PDZRN3: variants seen among roughly 807,000 people sequenced by gnomAD.
PDZRN3 encodes the protein E3 ubiquitin-protein ligase PDZRN3.
Under a neutral mutation model 85.7 loss-of-function variants are expected in PDZRN3, and 38 were observed. The observed-to-expected ratio is 0.44, with a 90% confidence interval of 0.34 to 0.58. The LOEUF is 0.58. Among genes scored for constraint, PDZRN3 ranks in the 20% least tolerant of loss-of-function variants. The probability of loss-of-function intolerance (pLI) is 0.01; values close to 1 mark genes in which losing one functional copy is unlikely to be tolerated. For missense variants in PDZRN3, 1,629 were observed against 1,506.4 expected, an observed-to-expected ratio of 1.08 and a Z score of -1.35; for synonymous variants, 759 against 638.0, an observed-to-expected ratio of 1.19 and a Z score of -2.86.
intron 3 of PDZRN3, among the ~76,000 whole-genome samples, chr3:73,600,337 A>ACACACACACACACTCTCT (rs34405662): frequency 1.8e-4 from 18 of 100,072 alleles, no homozygotes; most frequent in African/African-American, 7.3e-4. Context: ...ACACACACAC[A>ACACACACACACACTCTCT]CTCTCTCTCT....
At chr3:73,415,883 A>G (rs1575636539) in intron 3 of PDZRN3, among the ~76,000 whole-genome samples, 2 of 151,702 alleles carry the variant, frequency 1.3e-5, no homozygotes, top group African/African-American at 4.8e-5. Flanking sequence ...ATCATGTTAT[A>G]GTTACCTTTT....
chr3:73,549,675 C>T (rs927838868), intron 3 of PDZRN3, among the ~76,000 whole-genome samples: 3 of 152,098 alleles, frequency 2.0e-5, no homozygotes, highest in Non-Finnish European at 2.9e-5. Flanking sequence ...AAATGTAGGG[C>T]GTGAATTTAA....
intron 3 of PDZRN3, among the ~76,000 whole-genome samples, chr3:73,511,868 C>T (rs1033384123): frequency 2.0e-5 from 3 of 152,198 alleles, no homozygotes; most frequent in African/African-American, 7.2e-5. Flanking sequence ...GGCTTCCAAC[C>T]GTCTGGGCGA....
intron 3 of PDZRN3, among the ~76,000 whole-genome samples, chr3:73,519,914 C>T (rs1037757452): frequency 1.3e-5 from 2 of 152,138 alleles, no homozygotes; most frequent in African/African-American, 4.8e-5. Context: ...CTGCCATAGA[C>T]AGCAGTACAG....
At chr3:73,554,500 C>T (rs764954827) in intron 3 of PDZRN3, among the ~76,000 whole-genome samples, 9 of 152,050 alleles carry the variant, frequency 5.9e-5, no homozygotes, top group Non-Finnish European at 1.0e-4. Context: ...AAGCATGGGC[C>T]ACAGCGTTGT....
chr3:73,392,213 A>G lies in PDZRN3; in HGVS notation c.1255-1097T>C, dbSNP rs57280403. Among the ~76,000 whole-genome samples the G allele has an allele frequency of 4.3e-3, 660 of 152,360 alleles. 8 individuals carry two copies. The highest frequency in any genetic ancestry group is 0.015 in the African/African-American group (617 of 41,582). Reference sequence around the variant, plus strand: ...AAAAGCCCTAGGCCAGCATGGCCAGAGCCCCATGTTCAAGGAAGAGAGAAG... The same window carrying G: ...AAAAGCCCTAGGCCAGCATGGCCAGGGCCCCATGTTCAAGGAAGAGAGAAG... On this transcript the variant is annotated intron_variant, in intron 5 of 9. Coordinates refer to ENST00000263666, the MANE Select transcript of PDZRN3 (RefSeq NM_015009.3).
intron 3 of PDZRN3, among the ~76,000 whole-genome samples, chr3:73,558,276 A>C (rs1262791262): frequency 6.6e-6 from 1 of 152,100 alleles, no homozygotes; most frequent in Non-Finnish European, 1.5e-5. Flanking sequence ...AGATAATTTA[A>C]AAAACAAAGT....
At chr3:73,514,384 C>T (rs2106714209) in intron 3 of PDZRN3, among the ~76,000 whole-genome samples, 1 of 152,254 alleles carries the variant, frequency 6.6e-6, no homozygotes, top group African/African-American at 2.4e-5. Flanking sequence ...AAATACAGTT[C>T]TATCAAGATT....
At chr3:73,619,444 C>T (rs1279477516) in intron 1 of PDZRN3, among the ~76,000 whole-genome samples, 1 of 152,210 alleles carries the variant, frequency 6.6e-6, no homozygotes, top group African/African-American at 2.4e-5. Context: ...AGAGGCCTGG[C>T]TTCCTAGAGG....
intron 3 of PDZRN3, among the ~76,000 whole-genome samples, chr3:73,416,876 G>GTTTTTTTTTTTT (rs146381615): frequency 1.0e-3 from 111 of 110,382 alleles, no homozygotes; most frequent in South Asian, 1.9e-3. Context: ...TTTTTTTTTG[G>GTTTTTTTTTTTT]TTTTTTTTTT....
intron 1 of PDZRN3, 146 bp from the exon 2 acceptor site, chr3:73,608,830 T>G: frequency 1.6e-6 from 1 of 614,136 alleles, no homozygotes; most frequent in Non-Finnish European, 2.9e-6. Flanking sequence ...CAAGGAAACT[T>G]CTGGAACCCA....
At chr3:73,456,043 A>G (rs1191949635) in intron 3 of PDZRN3, among the ~76,000 whole-genome samples, 2 of 152,250 alleles carry the variant, frequency 1.3e-5, no homozygotes, top group African/African-American at 4.8e-5. Flanking sequence ...GGTGGAAGGA[A>G]GAAACAGATT....
At chr3:73,595,162 G>A (rs1480590730) in intron 3 of PDZRN3, among the ~76,000 whole-genome samples, 2 of 152,208 alleles carry the variant, frequency 1.3e-5, no homozygotes, top group Non-Finnish European at 2.9e-5. Flanking sequence ...TGGAAACGGA[G>A]AGTTGGAGTC....
chr3:73,475,922 C>A (rs868723259), intron 3 of PDZRN3, among the ~76,000 whole-genome samples: 1 of 152,196 alleles, frequency 6.6e-6, no homozygotes, highest in Non-Finnish European at 1.5e-5. Context: ...TGCACCTACC[C>A]GCAAAATGTA....
chr3:73,388,873 A>C (rs1701455769), intron 7 of PDZRN3, among the ~76,000 whole-genome samples: 1 of 133,606 alleles, frequency 7.5e-6, no homozygotes. Context: ...GATTCCTTGG[A>C]GTACCTCTGA....
At chr3:73,586,328 A>T (rs1702276388) in intron 3 of PDZRN3, among the ~76,000 whole-genome samples, 1 of 152,306 alleles carries the variant, frequency 6.6e-6, no homozygotes, top group East Asian at 1.9e-4. Context: ...CGAAGTATCA[A>T]ATGTCCCCAA....
At chr3:73,429,639 G>A (rs2106796360) in intron 3 of PDZRN3, among the ~76,000 whole-genome samples, 1 of 152,300 alleles carries the variant, frequency 6.6e-6, no homozygotes, top group Admixed American at 6.5e-5. Flanking sequence ...TCACAAATCT[G>A]TATCAGATCT....
At chr3:73,499,016 T>A (rs1044518238) in intron 3 of PDZRN3, among the ~76,000 whole-genome samples, 1 of 152,148 alleles carries the variant, frequency 6.6e-6, no homozygotes, top group Non-Finnish European at 1.5e-5. Flanking sequence ...GAAACCAGGC[T>A]CTGTTCCTGC....
In PDZRN3 at chr3:73,404,177, G is replaced by C; in HGVS notation, c.1137C>G (p.Pro379=). ...CTGGCAAGAGATAGGGATCCAGCAC[G>C]GGTGGGCTGGGAGAGGACATCTTAG... The part of the protein sequence containing the change: ...ALTKMSSPSP[P]VLDPYLLPEE... The change falls in exon 4 of 10, where the codon CCC becomes CCG. Residue 379 remains proline (P), a synonymous_variant. Coordinates refer to ENST00000263666, the MANE Select transcript of PDZRN3 (RefSeq NM_015009.3). 6.2e-7 allele frequency: 1 copy of C among 1,613,746 alleles called. No homozygotes were observed. Among genetic ancestry groups the C allele is most frequent in the South Asian group, 1.1e-5 (1 of 91,064 alleles).
Sources: gnomAD v4.1 joint callset for allele counts (sites outside exome capture counted in the v4.1 genomes callset) on GRCh38, gnomAD v4.1.1 for gene constraint, MANE v1.5 for transcripts, NCBI Gene and HGNC (gene_info 2026-07-23, HGNC 2026-07-21) for gene names.